Variants in MYO3A observed in about 807,000 individuals in gnomAD.
MYO3A encodes myosin-IIIa.
In MYO3A, 180 loss-of-function variants were observed where a neutral mutation model predicts 192.7. The observed-to-expected ratio is 0.93, with a 90% CI of 0.83 to 1.06. The LOEUF (loss-of-function observed/expected upper bound fraction) is 1.06, where lower values mean the gene tolerates loss of function less well. Ranked by LOEUF, MYO3A falls within the 50% of genes least tolerant of loss-of-function variation. The probability of loss-of-function intolerance (pLI) is 0.00; values close to 1 mark genes in which losing one functional copy is unlikely to be tolerated. For synonymous variants in MYO3A, 628 were observed against 645.3 expected, an observed-to-expected ratio of 0.97 and a Z score of 0.41; for missense variants, 1,896 against 1,905.0, an observed-to-expected ratio of 1.00 and a Z score of 0.09.
chr10:25,949,731 A>G lies in MYO3A; in HGVS notation c.-17-2363A>G, dbSNP rs137922386. On this transcript the variant is annotated intron_variant, in intron 2 of 34. Transcript: ENST00000642920. The stretch of plus-strand genomic sequence containing the variant: ...GAATATGCTCTTTATTGTGTTTTGG[A>G]TTTTCACGTTCTTTTCAGTTCTCCC... 5.9e-4 allele frequency among the ~76,000 whole-genome samples: 89 copies of G among 152,048 alleles called. 1 individual carries two copies. The East Asian group carries it at 0.016, about 28-fold the overall frequency.
At chr10:26,047,633 G>A (rs987083591) in intron 10 of MYO3A, among the ~76,000 whole-genome samples, 3 of 150,620 alleles carry the variant, frequency 2.0e-5, no homozygotes, top group African/African-American at 7.3e-5. Flanking sequence ...AAATTAGCCG[G>A]GCGTGGTGGC....
At chr10:26,166,217 A>G (rs779728071) in intron 27 of MYO3A, 39 bp downstream of exon 27, 11 of 1,466,742 alleles carry the variant, frequency 7.5e-6, no homozygotes, top group African/African-American at 7.0e-5. Flanking sequence ...ATAAATAATT[A>G]TGCTGGGTTC....
intron 10 of MYO3A, among the ~76,000 whole-genome samples, chr10:26,048,397 A>G (rs1843761571): frequency 1.3e-5 from 2 of 152,046 alleles, no homozygotes; most frequent in South Asian, 2.1e-4. Flanking sequence ...AAAATTTCCA[A>G]TGTTTTAGCA....
At chr10:26,018,707 C>T (rs7896526) in intron 7 of MYO3A, among the ~76,000 whole-genome samples, 4,642 of 152,014 alleles carry the variant, frequency 0.031, 227 homozygotes, top group African/African-American at 0.11. Flanking sequence ...CCCTGGAGAG[C>T]GAAAGGGGGT....
At chr10:25,985,542 ATT>A (rs1236379269) in intron 4 of MYO3A, among the ~76,000 whole-genome samples, 1 of 152,200 alleles carries the variant, frequency 6.6e-6, no homozygotes, top group Non-Finnish European at 1.5e-5. Flanking sequence ...AATACAAAAG[ATT>A]ATTCAAGGAT....
intron 12 of MYO3A, 30 bp downstream of exon 12, chr10:26,068,914 T>C: frequency 7.6e-7 from 1 of 1,320,330 alleles, no homozygotes; most frequent in Non-Finnish European, 1.1e-6. Context: ...TTCTGTTACT[T>C]CATACACATA....
intron 14 of MYO3A, among the ~76,000 whole-genome samples, chr10:26,073,749 C>T (rs1835361310): frequency 6.6e-6 from 1 of 152,086 alleles, no homozygotes; most frequent in Non-Finnish European, 1.5e-5. Flanking sequence ...CTGTGTGATT[C>T]AGTTTACATG....
chr10:26,021,607 A>G lies in MYO3A; in HGVS notation c.690A>G (p.Leu230=), dbSNP rs1464855485. The change falls in exon 8 of 35, where the codon CTA becomes CTG. Residue 230 remains leucine, a synonymous_variant. Transcript: ENST00000642920. ...AIELGDGDPP[L]ADLHPMRALF... is the part of the protein sequence containing the mutation. ...AGCTGGGTGATGGAGATCCTCCACT[A>G]GCTGACCTTCATCCCATGAGAGCAC... 1 of 1,614,128 alleles carries G rather than the reference A, an allele frequency of 6.2e-7. No homozygotes were observed.
rs763768344 is a variant in MYO3A, at chr10:26,154,751, C to A, written c.2721C>A (p.Asp907Glu). 1 of 1,613,668 alleles carries A rather than the reference C, an allele frequency of 6.2e-7. No homozygotes were observed. The highest frequency in any genetic ancestry group is 1.1e-5 in the South Asian group (1 of 91,042). Residue 907 changes from aspartate to glutamate, a missense_variant, in exon 25 of 35, where the codon GAC (aspartate) becomes GAA (glutamate). Physicochemically the swap from Asp to Glu is conservative, Grantham distance 45. Coordinates refer to ENST00000642920, the MANE Select transcript of MYO3A (RefSeq NM_017433.5). The stretch of plus-strand genomic sequence containing the variant: ...GTCTTCCTTGGTCTCCTTAGGGCGA[C>A]ACTGGAGAAGCCACACGTCATGCCA... ...SEKLINLAKG[D>E]TGEATRHARE... is the part of the protein sequence containing the mutation.
At chr10:26,044,514 G>C (rs572204242) in intron 10 of MYO3A, among the ~76,000 whole-genome samples, 49 of 152,346 alleles carry the variant, frequency 3.2e-4, no homozygotes, top group African/African-American at 1.0e-3. Flanking sequence ...CTTTGGGTGA[G>C]TGTCAGCTGA....
chr10:26,041,991 C>T (rs1843376020), intron 10 of MYO3A, among the ~76,000 whole-genome samples: 1 of 151,978 alleles, frequency 6.6e-6, no homozygotes, highest in Non-Finnish European at 1.5e-5. Context: ...ATTAGCATTT[C>T]TTGTAGGACA....
intron 17 of MYO3A, among the ~76,000 whole-genome samples, chr10:26,097,858 T>G (rs2131568208): frequency 6.6e-6 from 1 of 152,330 alleles, no homozygotes; most frequent in Non-Finnish European, 1.5e-5. Flanking sequence ...TGTGTGCATG[T>G]GTCTTTTTTG....
intron 2 of MYO3A, among the ~76,000 whole-genome samples, chr10:25,938,749 G>A (rs531139000): frequency 6.6e-6 from 1 of 152,256 alleles, no homozygotes; most frequent in African/African-American, 2.4e-5. Flanking sequence ...TGTCTTCTTA[G>A]CATGTTCTAT....
At chr10:26,115,569 G>A (rs934874378) in intron 17 of MYO3A, among the ~76,000 whole-genome samples, 1 of 151,870 alleles carries the variant, frequency 6.6e-6, no homozygotes, top group Non-Finnish European at 1.5e-5. Context: ...ACAGTTTTTT[G>A]TATAAGAATA....
At chr10:26,062,117 T>C (rs1834520979) in intron 10 of MYO3A, among the ~76,000 whole-genome samples, 1 of 152,182 alleles carries the variant, frequency 6.6e-6, no homozygotes, top group Non-Finnish European at 1.5e-5. Context: ...AACAATCTCC[T>C]TATTCATGGG....
chr10:25,962,110 T>C (rs1837970436), intron 4 of MYO3A, among the ~76,000 whole-genome samples: 1 of 152,148 alleles, frequency 6.6e-6, no homozygotes, highest in Non-Finnish European at 1.5e-5. Flanking sequence ...AAAAATCACT[T>C]TACTTATATT....
At chr10:26,160,054 T>G (rs1380410343) in intron 26 of MYO3A, among the ~76,000 whole-genome samples, 1 of 152,132 alleles carries the variant, frequency 6.6e-6, no homozygotes, top group African/African-American at 2.4e-5. Context: ...TTGACCTTAT[T>G]ATCATGCACT....
chr10:26,173,917 T>C lies in MYO3A; in HGVS notation c.3653T>C (p.Val1218Ala), dbSNP rs1355276525. Residue 1218 changes from valine (V) to alanine (A), a missense_variant, in exon 30 of 35, where the codon GTC (valine) becomes GCC (alanine). Val to Ala is a moderately conservative substitution (Grantham distance 64). Coordinates refer to ENST00000642920, the MANE Select transcript of MYO3A (RefSeq NM_017433.5). ...GPEVSPKQKS[V>A]KDLEENSNLR... is the part of the protein sequence containing the mutation. ...GAAGTAAGCCCCAAACAGAAGTCTGTCAAAGACCTGGAAGAGAACAGCAAT... is the reference window on the plus strand; with the variant it reads ...GAAGTAAGCCCCAAACAGAAGTCTGCCAAAGACCTGGAAGAGAACAGCAAT... 1 of 1,613,338 alleles carries C rather than the reference T, an allele frequency of 6.2e-7. No individual in the cohort carries two copies. The highest frequency in any genetic ancestry group is 1.1e-5 in the South Asian group (1 of 90,848).
chr10:25,973,866 G>T (rs1474979614), intron 4 of MYO3A, among the ~76,000 whole-genome samples: 1 of 152,178 alleles, frequency 6.6e-6, no homozygotes, highest in Admixed American at 6.5e-5. Flanking sequence ...AATAAATGGT[G>T]CTGGGACAAC....
Sources: gnomAD v4.1 joint callset for allele counts (sites outside exome capture counted in the v4.1 genomes callset) on GRCh38, gnomAD v4.1.1 for gene constraint, MANE v1.5 for transcripts, NCBI Gene and HGNC (gene_info 2026-07-23, HGNC 2026-07-21) for gene names.